TNRC6B: variants seen among roughly 807,000 people sequenced by gnomAD.
The protein encoded by TNRC6B is trinucleotide repeat-containing gene 6B protein.
A neutral mutation model predicts 203.6 loss-of-function variants in TNRC6B; 52 were observed. The ratio of observed to expected loss-of-function variants is 0.26; its 90% CI spans 0.20 to 0.32. The LOEUF (loss-of-function observed/expected upper bound fraction) is 0.32. Ranked by LOEUF, TNRC6B falls within the 10% of genes least tolerant of loss-of-function variation. The pLI is 1.00. For synonymous variants in TNRC6B, 838 were observed against 845.7 expected (o/e 0.99, Z 0.16); for missense variants, 1,923 against 2,286.2 (o/e 0.84, Z 3.24).
At chr22:40,057,292 G>GTT (rs398037161) in intron 1 of TNRC6B, among the ~76,000 whole-genome samples, 32,536 of 129,874 alleles carry the variant, frequency 0.25, 4,736 homozygotes, top group African/African-American at 0.37. Context: ...AATATGCCAG[G>GTT]TTTTTTTTTT....
intron 12 of TNRC6B, among the ~76,000 whole-genome samples, chr22:40,300,017 C>A (rs1383658900): frequency 1.3e-5 from 2 of 152,132 alleles, no homozygotes; most frequent in Non-Finnish European, 2.9e-5. Context: ...AAACTCATGT[C>A]TTCTATTTAC....
intron 2 of TNRC6B, among the ~76,000 whole-genome samples, chr22:40,123,504 C>A (rs1048971834): frequency 6.6e-6 from 1 of 152,198 alleles, no homozygotes; most frequent in Non-Finnish European, 1.5e-5. Context: ...CTCCCGACCT[C>A]CTGTCTCCAG....
chr22:40,112,259 C>T (rs1036984730), intron 1 of TNRC6B, among the ~76,000 whole-genome samples: 10 of 152,166 alleles, frequency 6.6e-5, no homozygotes, highest in Admixed American at 5.9e-4. Context: ...AAAGTACTGC[C>T]GTGGGCCCTT....
intron 1 of TNRC6B, among the ~76,000 whole-genome samples, chr22:40,075,567 A>G (rs1057091056): frequency 6.6e-6 from 1 of 151,910 alleles, no homozygotes; most frequent in African/African-American, 2.4e-5. Context: ...TTAAAGTCCA[A>G]TCTTACCATC....
intron 1 of TNRC6B, among the ~76,000 whole-genome samples, chr22:40,058,428 ATGTGACACAATGTGCTTT>A (rs2067819636): frequency 5.2e-5 from 6 of 115,580 alleles, no homozygotes; most frequent in Admixed American, 2.4e-4. Context: ...CTTTAGCACA[ATGTGACACAATGTGCTTT>A]AGCACATTGT....
chr22:40,177,730 T>C (rs2069077909), upstream of TNRC6B, among the ~76,000 whole-genome samples: 3 of 152,238 alleles, frequency 2.0e-5, no homozygotes, highest in Non-Finnish European at 4.4e-5. Context: ...CTTATGCTGT[T>C]GCCACTTTCA....
Position 40,304,624 on chromosome 22 carries a change from A to G in TNRC6B, c.4120+3291A>G, listed in dbSNP as rs529289346. On this transcript the variant is annotated intron_variant, in intron 15 of 22. Transcript: ENST00000454349. The stretch of plus-strand genomic sequence containing the variant: ...CTTTATGTCAACAAAGAAATTTAAA[A>G]TAAGATGGTAGCGAAAATTCTCATT... Among the ~76,000 whole-genome samples, 21 of 152,352 alleles carry G rather than the reference A, an allele frequency of 1.4e-4. No homozygotes were observed. In the East Asian group the frequency reaches 3.1e-3, roughly 22 times the overall value.
At position 40,321,365 on chromosome 22, in the gene TNRC6B, TCGAGTGTGG is replaced by T. The variant is rs2071331909; in HGVS notation, c.5114+137_5114+145del. ...ACCGTCACACGTGCATCTGCAAGTC[TCGAGTGTGG>T]AGAGTGTGGAGGTGCCGGGTCTTTT... is the stretch of plus-strand genomic sequence containing the variant. On this transcript the variant is annotated intron_variant, in intron 22 of 22. Transcript: ENST00000454349. 4.0e-5 allele frequency: 44 copies of T among 1,094,894 alleles called. No homozygotes were observed. In the South Asian group the frequency reaches 6.2e-4, roughly 16 times the overall value. 67.8% of individuals were successfully genotyped at this position (1,094,894 alleles called of 1,614,324 possible).
At position 40,087,711 on chromosome 22, in the gene TNRC6B, A is replaced by G. The variant is rs116585938; in HGVS notation, c.-120-29344A>G. ...GAGCCTTCAAGCAAAGGGGCTAGCT[A>G]TGTGTGAAGGTCCTGAGGGAGGAAA... On this transcript the variant is annotated intron_variant, in intron 1 of 23. Transcript: ENST00000301923. Among the ~76,000 whole-genome samples the G allele has an allele frequency of 5.5e-3, 838 of 152,254 alleles. 8 individuals are homozygous for G. The highest frequency in any genetic ancestry group is 0.019 in the African/African-American group (810 of 41,560).
chr22:40,288,652 C>T (rs557898977), intron 12 of TNRC6B, among the ~76,000 whole-genome samples: 1 of 151,938 alleles, frequency 6.6e-6, no homozygotes, highest in Middle Eastern at 3.4e-3. Flanking sequence ...AAGTGATTCT[C>T]CTGCCTCAGC....
intron 3 of TNRC6B, among the ~76,000 whole-genome samples, chr22:40,251,955 C>A (rs151211219): frequency 3.9e-5 from 6 of 152,234 alleles, no homozygotes; most frequent in African/African-American, 9.6e-5. Flanking sequence ...AAAGATAATA[C>A]ATTTTGAGTA....
chr22:40,067,100 C>T (rs553143095), intron 1 of TNRC6B, among the ~76,000 whole-genome samples: 49 of 151,992 alleles, frequency 3.2e-4, no homozygotes, highest in African/African-American at 8.9e-4. Flanking sequence ...GATGGAGTTT[C>T]GCCATGTTGC....
Position 40,321,267 on chromosome 22 carries a change from C to T in TNRC6B, c.5114+38C>T, listed in dbSNP as rs768833816. On this transcript the variant is annotated intron_variant, in intron 22 of 22. Transcript: ENST00000454349. ...TCCTACACCCACGTAGACAAACATG[C>T]ATGAAGATGCACCCGTGAGTATTCT... 14 of 1,602,964 alleles carry T rather than the reference C, an allele frequency of 8.7e-6. 1 individual carries two copies. The South Asian group carries it at 9.9e-5, about 11-fold the overall frequency.
rs184194252 is a variant in TNRC6B at position 40,328,906 on chromosome 22, A to C, written c.*5665A>C. The C allele has an allele frequency of 2.0e-4, 30 of 152,672 alleles. No individual in the cohort carries two copies. In the East Asian group the frequency reaches 4.6e-3, roughly 24 times the overall value. The allele number at this position is 152,672 out of a possible 1,614,324, so 9.5% of individuals were successfully genotyped here. Reference sequence around the variant, plus strand: ...TTTAAGTATCTATAAGATCTTTAGAAGTGAGATAAATTTTTCGCTGGTTAA... The same window carrying C: ...TTTAAGTATCTATAAGATCTTTAGACGTGAGATAAATTTTTCGCTGGTTAA... On this transcript the variant is annotated 3_prime_UTR_variant, in exon 23 of 23. Coordinates refer to ENST00000454349, the MANE Select transcript of TNRC6B (RefSeq NM_001162501.2).
chr22:40,115,972 T>C (rs2068383901), intron 1 of TNRC6B, among the ~76,000 whole-genome samples: 1 of 152,230 alleles, frequency 6.6e-6, no homozygotes, highest in African/African-American at 2.4e-5. Context: ...ATATTTCTAA[T>C]TCTCATCACA....
chr22:40,217,042 T>C (rs2069644838), intron 1 of TNRC6B, among the ~76,000 whole-genome samples: 2 of 152,164 alleles, frequency 1.3e-5, no homozygotes, highest in Admixed American at 1.3e-4. Context: ...AATGCAGCTG[T>C]ACCTTTGTCT....
intron 1 of TNRC6B, among the ~76,000 whole-genome samples, chr22:40,182,791 A>G (rs1271873526): frequency 6.6e-6 from 1 of 152,214 alleles, no homozygotes. Context: ...TGGAGACTTC[A>G]TTGAAGGTTT....
intron 22 of TNRC6B, 138 bp downstream of exon 22, chr22:40,321,367 G>A (rs963284093): frequency 6.7e-5 from 65 of 976,804 alleles, no homozygotes; most frequent in Non-Finnish European, 9.0e-5. Context: ...TGCAAGTCTC[G>A]AGTGTGGAGA....
intron 4 of TNRC6B, among the ~76,000 whole-genome samples, chr22:40,168,107 T>C (rs2068937441): frequency 6.6e-6 from 1 of 152,218 alleles, no homozygotes; most frequent in Non-Finnish European, 1.5e-5. Flanking sequence ...ACCATACAGT[T>C]AATAATTTAT....
Sources: gnomAD v4.1 joint callset for allele counts (sites outside exome capture counted in the v4.1 genomes callset) on GRCh38, gnomAD v4.1.1 for gene constraint, MANE v1.5 for transcripts, NCBI Gene and HGNC (gene_info 2026-07-23, HGNC 2026-07-21) for gene names.